PIK3C2B: variants seen among roughly 807,000 people sequenced by gnomAD.
PIK3C2B encodes phosphatidylinositol-4-phosphate 3-kinase catalytic subunit type 2 beta.
Under a neutral mutation model 184.3 loss-of-function variants are expected in PIK3C2B, and 83 were observed. The observed-to-expected ratio is 0.45, with a 90% confidence interval of 0.38 to 0.54. The LOEUF is 0.54. Ranked by LOEUF, PIK3C2B falls within the 20% of genes least tolerant of loss-of-function variation. PIK3C2B has a pLI of 0.00. For synonymous variants in PIK3C2B, 779 were observed against 837.6 expected, an observed-to-expected ratio of 0.93 and a Z score of 1.21; for missense variants, 1,736 against 2,113.5, an observed-to-expected ratio of 0.82 and a Z score of 3.50.
chr1:204,458,233 T>C (rs16853742), intron 8 of PIK3C2B, among the ~76,000 whole-genome samples: 28,852 of 152,024 alleles, frequency 0.19, 3,082 homozygotes, highest in East Asian at 0.48. Context: ...TCTACAGACA[T>C]GCCACAGCCA....
At chr1:204,456,860 C>G (rs1347075015) in intron 10 of PIK3C2B, among the ~76,000 whole-genome samples, 177 bp downstream of exon 10, 1 of 144,616 alleles carries the variant, frequency 6.9e-6, no homozygotes, top group East Asian at 2.1e-4. Flanking sequence ...GCTGTATCCA[C>G]ACCTCATATA....
rs61763432 is a variant in PIK3C2B at position 204,434,731 on chromosome 1, T to C, written c.3517-123A>G. ...CTCTCTCTTCTGTGAACCCCAATAG[T>C]GTCTCACATCTGCCTGTTCATCCTT... On this transcript the variant is annotated intron_variant, in intron 23 of 32. Transcript: ENST00000684373. The C allele has an allele frequency of 1.3e-3, 842 of 656,310 alleles. 2 individuals are homozygous for C. The African/African-American group carries it at 0.013, about 10-fold the overall frequency. The allele number at this position is 656,310 out of a possible 1,614,324, so 40.7% of individuals were successfully genotyped here.
chr1:204,457,669 C>CA (rs1479560597), intron 9 of PIK3C2B, 59 bp downstream of exon 9: 1 of 1,491,032 alleles, frequency 6.7e-7, no homozygotes, highest in Admixed American at 2.3e-5. Context: ...ACAGGCAACT[C>CA]AGTTACCTGA....
intron 28 of PIK3C2B, 92 bp downstream of exon 28, chr1:204,431,577 T>C: frequency 6.6e-7 from 1 of 1,504,566 alleles, no homozygotes; most frequent in South Asian, 1.1e-5. Context: ...CAAAAGGGTA[T>C]TTTCTGCCCC....
chr1:204,436,440 G>A (rs1260420331), intron 23 of PIK3C2B, among the ~76,000 whole-genome samples: 1 of 152,176 alleles, frequency 6.6e-6, no homozygotes, highest in Non-Finnish European at 1.5e-5. Flanking sequence ...TGAGTCAGGA[G>A]GATCACATGA....
intron 2 of PIK3C2B, among the ~76,000 whole-genome samples, chr1:204,465,743 A>T (rs970910599): frequency 6.6e-6 from 1 of 152,210 alleles, no homozygotes; most frequent in African/African-American, 2.4e-5. Context: ...GGGCGGCCCA[A>T]ATGGTGCCCA....
chr1:204,494,064 G>A (rs1430977699), intron 1 of PIK3C2B, among the ~76,000 whole-genome samples: 1 of 152,220 alleles, frequency 6.6e-6, no homozygotes, highest in African/African-American at 2.4e-5. Context: ...GCCAGGAAGT[G>A]TGTTTAGCGA....
chr1:204,427,335 G>A (rs1051280737), intron 31 of PIK3C2B, among the ~76,000 whole-genome samples: 2 of 152,092 alleles, frequency 1.3e-5, no homozygotes, highest in Non-Finnish European at 2.9e-5. Context: ...ATAAAACCAG[G>A]CATGGTGTTA....
Position 204,446,088 on chromosome 1 carries a change from T to C in PIK3C2B, c.2546A>G (p.Glu849Gly). 5 of 1,595,236 alleles carry C rather than the reference T, an allele frequency of 3.1e-6. No individual in the cohort carries two copies. The highest frequency in any genetic ancestry group is 4.3e-6 in the Non-Finnish European group (5 of 1,168,572). Reference sequence around the variant, plus strand: ...GAGCACCAGGGGGAGCGAGCTCACCTCCGAGTGGCAGTAATATCGCTTCTC... The same window carrying C: ...GAGCACCAGGGGGAGCGAGCTCACCCCCGAGTGGCAGTAATATCGCTTCTC... ...LWEKRYYCHS[E>G]VSSLPLVLAS... The change falls in exon 16 of 33, where the codon GAG (glutamate) becomes GGG (glycine). Residue 849 changes from glutamate to glycine, a missense_variant. Around this residue, in one of 8 missense-constraint regions of PIK3C2B, gnomAD observed 609 missense variants for 699.2 expected, o/e 0.87. Coordinates refer to ENST00000684373, the MANE Select transcript of PIK3C2B (RefSeq NM_001377334.1).
At chr1:204,488,564 G>C (rs753718728) in intron 1 of PIK3C2B, among the ~76,000 whole-genome samples, 2 of 152,192 alleles carry the variant, frequency 1.3e-5, no homozygotes, top group African/African-American at 2.4e-5. Flanking sequence ...CCTCTTCACT[G>C]CTGTGCACGT....
chr1:204,432,272 G>C lies in PIK3C2B; in HGVS notation c.4083C>G (p.Leu1361=), dbSNP rs1283578286. The C allele has an allele frequency of 3.7e-6, 6 of 1,614,022 alleles. No homozygotes were observed. In the South Asian group the frequency reaches 4.4e-5, roughly 12 times the overall value. The change falls in exon 27 of 33, where the codon CTC becomes CTG. Residue 1361 remains leucine (L), a synonymous_variant. Transcript: ENST00000684373. ...TLSFASRTHT[L]KSSGRISDVF... ...CATCACTGATTCGGCCAGAGCTCTT[G>C]AGAGTGTGTGTTCGGGAGGCAAAGG... is the stretch of plus-strand genomic sequence containing the variant.
intron 14 of PIK3C2B, among the ~76,000 whole-genome samples, chr1:204,448,633 CAAAA>C (rs11455070): frequency 6.5e-5 from 8 of 122,202 alleles, no homozygotes; most frequent in Admixed American, 8.1e-5. Context: ...GATCCTGTCT[CAAAA>C]AAAAAAAAAA....
In PIK3C2B at chr1:204,455,984, G is replaced by A. The variant is rs767290872; in HGVS notation, c.1815C>T (p.Asn605=). The A allele has an allele frequency of 1.6e-5, 26 of 1,614,058 alleles. No homozygotes were observed. Among genetic ancestry groups the A allele is most frequent in the African/African-American group, 5.3e-5 (4 of 74,928 alleles). The change falls in exon 11 of 33, where the codon AAC becomes AAT. Residue 605 remains asparagine (N), a synonymous_variant. Transcript: ENST00000684373. ...CGGGCACTGCCGTCTGGAAGTCTGC[G>A]TTGAATGTGTTGCAGTACAGCTCCA... ...DLVELYCNTF[N]ADFQTAVPGS...
chr1:204,436,381 T>C (rs939925663), intron 23 of PIK3C2B, among the ~76,000 whole-genome samples: 3 of 151,788 alleles, frequency 2.0e-5, no homozygotes, highest in Non-Finnish European at 4.4e-5. Context: ...AATAGAAAAA[T>C]TAGCTGGGCA....
intron 11 of PIK3C2B, among the ~76,000 whole-genome samples, chr1:204,455,264 T>C (rs1654738837): frequency 3.3e-5 from 5 of 152,140 alleles, no homozygotes. Context: ...GCTGCCTCCT[T>C]TGTTCTCTGC....
chr1:204,463,190 T>C (rs1206868070), intron 5 of PIK3C2B, among the ~76,000 whole-genome samples: 1 of 152,192 alleles, frequency 6.6e-6, no homozygotes, highest in Admixed American at 6.5e-5. Context: ...GTGGCACTTA[T>C]AGGGCACTCC....
At chr1:204,465,471 G>A (rs1186867067) in intron 2 of PIK3C2B, 152 bp from the exon 3 acceptor site, 5 of 619,036 alleles carry the variant, frequency 8.1e-6, no homozygotes, top group South Asian at 2.0e-5. Context: ...TGGGACATCC[G>A]GGAATACATG....
At chr1:204,427,538 A>T in intron 31 of PIK3C2B, 110 bp downstream of exon 31, 1 of 725,360 alleles carries the variant, frequency 1.4e-6, no homozygotes, top group South Asian at 1.6e-5. Context: ...GTGGATGCTC[A>T]GTAGACTGTG....
At chr1:204,426,124 A>G (rs1674728210) in intron 31 of PIK3C2B, among the ~76,000 whole-genome samples, 1 of 152,216 alleles carries the variant, frequency 6.6e-6, no homozygotes, top group African/African-American at 2.4e-5. Flanking sequence ...CATGAGTCAC[A>G]GAGATTGAGC....
Sources: allele counts gnomAD v4.1 joint callset (sites outside exome capture counted in the v4.1 genomes callset), GRCh38; gene constraint gnomAD v4.1.1; regional missense constraint gnomAD v4.1.1; transcripts MANE v1.5; gene names NCBI Gene and HGNC (gene_info 2026-07-23, HGNC 2026-07-21).